Variants in NRXN3 observed in about 807,000 individuals in gnomAD.
The protein encoded by NRXN3 is neurexin III.
A neutral mutation model predicts 137.6 loss-of-function variants in NRXN3; 32 were observed. The observed-to-expected ratio is 0.23, with a 90% confidence interval of 0.18 to 0.31. NRXN3 has a LOEUF of 0.31. NRXN3 is among the 10% of genes least tolerant of loss of function. The pLI is 1.00. For synonymous variants in NRXN3, 798 were observed against 784.5 expected, an observed-to-expected ratio of 1.02 and a Z score of -0.29; for missense variants, 1,574 against 2,062.5, an observed-to-expected ratio of 0.76 and a Z score of 4.59.
At chr14:79,183,860 C>T in intron 15 of NRXN3, among the ~76,000 whole-genome samples, 1 of 152,224 alleles carries the variant, frequency 6.6e-6, no homozygotes, top group East Asian at 1.9e-4. Context: ...GCCTGGAACA[C>T]CTTGTCTGTG....
intron 10 of NRXN3, among the ~76,000 whole-genome samples, chr14:78,903,645 A>G (rs891676732): frequency 1.3e-5 from 2 of 152,042 alleles, no homozygotes; most frequent in African/African-American, 4.8e-5. Flanking sequence ...AAATCATTAC[A>G]CACTTTAGTC....
chr14:79,433,417 G>A (rs760715150), intron 15 of NRXN3, among the ~76,000 whole-genome samples: 6 of 152,086 alleles, frequency 3.9e-5, no homozygotes, highest in Non-Finnish European at 8.8e-5. Context: ...ATTCAATGCC[G>A]AAAGGTTTTG....
At position 78,355,622 on chromosome 14, in the gene NRXN3, G is replaced by T. The variant is rs568588817; in HGVS notation, c.757+57762G>T. On this transcript the variant is annotated intron_variant, in intron 4 of 20. Transcript: ENST00000335750. ...TTTAGTAGAGACTGGGTTTTGCCAT[G>T]TTGGCCAGGCTGGTCTTGAACTGCT... is the stretch of plus-strand genomic sequence containing the variant. 3.9e-5 allele frequency among the ~76,000 whole-genome samples: 6 copies of T among 152,260 alleles called. No homozygotes were observed. The South Asian group carries it at 1.2e-3, about 32-fold the overall frequency.
intron 4 of NRXN3, among the ~76,000 whole-genome samples, chr14:78,582,734 T>C (rs988952946): frequency 3.9e-5 from 6 of 152,198 alleles, no homozygotes; most frequent in African/African-American, 1.4e-4. Flanking sequence ...CGTTGTAAAT[T>C]ATCCAGCCTA....
chr14:79,399,051 G>T (rs1175808607), intron 15 of NRXN3, among the ~76,000 whole-genome samples: 1 of 150,782 alleles, frequency 6.6e-6, no homozygotes, highest in Admixed American at 6.6e-5. Context: ...AAAAAGCTGG[G>T]AGTTTCATTA....
intron 4 of NRXN3, among the ~76,000 whole-genome samples, chr14:78,434,762 G>A (rs2094005606): frequency 6.6e-6 from 1 of 152,140 alleles, no homozygotes; most frequent in South Asian, 2.1e-4. Flanking sequence ...CAGCTACAGA[G>A]GAGTGGGTGA....
intron 16 of NRXN3, among the ~76,000 whole-genome samples, chr14:79,660,951 G>T (rs988712057): frequency 1.3e-5 from 2 of 152,112 alleles, no homozygotes; most frequent in Admixed American, 6.6e-5. Context: ...TAGGCATGAG[G>T]GTCGTGGGCA....
intron 12 of NRXN3, 24 bp from the exon 13 acceptor site, chr14:78,967,184 G>GTTTTT: frequency 6.3e-6 from 9 of 1,421,200 alleles, no homozygotes; most frequent in East Asian, 2.4e-5. Flanking sequence ...TCCAATTATT[G>GTTTTT]TTTTTTTTTT....
intron 15 of NRXN3, among the ~76,000 whole-genome samples, chr14:79,422,118 A>G (rs2095585602): frequency 6.6e-6 from 1 of 152,054 alleles, no homozygotes; most frequent in Non-Finnish European, 1.5e-5. Context: ...GGAATGCAGT[A>G]GTGTGAGCAT....
chr14:78,744,855 G>A (rs560038973), intron 8 of NRXN3: 2 of 152,342 alleles, frequency 1.3e-5, no homozygotes, highest in East Asian at 3.9e-4. Context: ...GTAGGGGCAA[G>A]TGTCAACTAG....
At chr14:78,624,809 T>TTGTGTG (rs56948487) in intron 4 of NRXN3, among the ~76,000 whole-genome samples, 3 of 149,266 alleles carry the variant, frequency 2.0e-5, no homozygotes, top group Admixed American at 6.7e-5. Context: ...TCCTGTTCCT[T>TTGTGTG]TGTGTGTGTG....
chr14:78,625,468 GA>G (rs1160056304), intron 4 of NRXN3, among the ~76,000 whole-genome samples: 1 of 152,154 alleles, frequency 6.6e-6, no homozygotes, highest in East Asian at 1.9e-4. Context: ...GTGACTAATA[GA>G]AAACCAGAAA....
chr14:79,081,222 T>C, intron 15 of NRXN3, among the ~76,000 whole-genome samples: 1 of 152,174 alleles, frequency 6.6e-6, no homozygotes, highest in Non-Finnish European at 1.5e-5. Flanking sequence ...TAAAACCAAA[T>C]GAATGACTTG....
intron 15 of NRXN3, among the ~76,000 whole-genome samples, chr14:79,149,721 C>G (rs888720675): frequency 6.6e-6 from 1 of 151,992 alleles, no homozygotes; most frequent in African/African-American, 2.4e-5. Context: ...GTGGAAGGAG[C>G]TGGAAGCCAT....
chr14:78,321,450 G>A (rs2153559113), intron 4 of NRXN3, among the ~76,000 whole-genome samples: 1 of 152,118 alleles, frequency 6.6e-6, no homozygotes, highest in African/African-American at 2.4e-5. Context: ...ATAAATATTT[G>A]TATGTGAATA....
chr14:78,959,928 A>AT (rs2099404890), intron 11 of NRXN3, among the ~76,000 whole-genome samples: 1 of 152,128 alleles, frequency 6.6e-6, no homozygotes. Flanking sequence ...AGTTCGTTTC[A>AT]TTTTCCCTGG....
intron 15 of NRXN3, among the ~76,000 whole-genome samples, chr14:79,443,280 A>G (rs1402305917): frequency 6.6e-6 from 1 of 152,194 alleles, no homozygotes; most frequent in Non-Finnish European, 1.5e-5. Flanking sequence ...ATGAAGAAGA[A>G]GGATAAAAAG....
At chr14:78,273,824 GT>G (rs1330847674) in intron 2 of NRXN3, among the ~76,000 whole-genome samples, 1 of 152,176 alleles carries the variant, frequency 6.6e-6, no homozygotes, top group African/African-American at 2.4e-5. Context: ...ACCTCCTGCT[GT>G]TTTATTTTCT....
At chr14:78,500,701 C>T (rs961644573) in intron 4 of NRXN3, among the ~76,000 whole-genome samples, 10 of 152,092 alleles carry the variant, frequency 6.6e-5, no homozygotes, top group East Asian at 3.9e-4. Flanking sequence ...GGTTGCATGG[C>T]GGTAGAGGTG....
Sources: gnomAD v4.1 joint callset for allele counts (sites outside exome capture counted in the v4.1 genomes callset) on GRCh38, gnomAD v4.1.1 for gene constraint, MANE v1.5 for transcripts, NCBI Gene and HGNC (gene_info 2026-07-23, HGNC 2026-07-21) for gene names.